The following NPHS1 variants were observed in gnomAD, a reference collection of about 807,000 sequenced individuals.
NPHS1 encodes NPHS1 adhesion molecule, nephrin, also known as nephrin.
Under a neutral mutation model 139.7 loss-of-function variants are expected in NPHS1, and 107 were observed. That is an observed-to-expected ratio of 0.77 (90% CI 0.66 to 0.90). NPHS1 has a LOEUF of 0.90. NPHS1 is among the 40% of genes least tolerant of loss of function. NPHS1 has a pLI of 0.00. For missense variants in NPHS1, 1,580 were observed against 1,654.2 expected, an observed-to-expected ratio of 0.96 and a Z score of 0.78; for synonymous variants, 707 against 706.6, an observed-to-expected ratio of 1.00 and a Z score of -0.01.
At chr19:35,843,930 T>A in intron 16 of NPHS1, 173 bp downstream of exon 16, 1 of 889,734 alleles carries the variant, frequency 1.1e-6, no homozygotes, top group Non-Finnish European at 1.7e-6. Context: ...TGGGTCTCTC[T>A]AGTGGGAGGG....
In NPHS1 at chr19:35,839,242, G is replaced by A; in HGVS notation, c.3104C>T (p.Thr1035Ile). The A allele has an allele frequency of 1.2e-6, 2 of 1,614,142 alleles. No individual in the cohort carries two copies. Among genetic ancestry groups the A allele is most frequent in the Non-Finnish European group, 1.7e-6 (2 of 1,179,984 alleles). Reference sequence around the variant, plus strand: ...GCCCAAGCCTCCCTTCCCACCTGGGGTAGTGATGGGAAGCTGGGTCCCTTT... The same window carrying A: ...GCCCAAGCCTCCCTTCCCACCTGGGATAGTGATGGGAAGCTGGGTCCCTTT... Reference protein sequence around the residue: ...ADKGTQLPITTPGLHQPSGEP... With the variant: ...ADKGTQLPITIPGLHQPSGEP... The change falls in exon 22 of 29, where the codon ACC (threonine) becomes ATC (isoleucine). Residue 1035 changes from threonine to isoleucine, a missense_variant. Physicochemically the swap from Thr to Ile is moderately conservative, Grantham distance 89 (BLOSUM62 -1). Transcript: ENST00000378910.
rs1255617994 is a variant in NPHS1 at position 35,839,286 on chromosome 19, C to T, written c.3060G>A (p.Gly1020=). The T allele has an allele frequency of 2.5e-6, 4 of 1,614,200 alleles. No homozygotes were observed. The highest frequency in any genetic ancestry group is 3.4e-6 in the Non-Finnish European group (4 of 1,180,034). ...RVWLLASNAL[G]DSGLADKGTQ... is the part of the protein sequence containing the mutation. Reference sequence around the variant, plus strand: ...TCCCTTTGTCAGCCAGTCCACTGTCCCCCAAGGCATTACTGGCCAGCAGCC... The same window carrying T: ...TCCCTTTGTCAGCCAGTCCACTGTCTCCCAAGGCATTACTGGCCAGCAGCC... Residue 1020 remains glycine, a synonymous_variant, in exon 22 of 29, where the codon GGG becomes GGA. Coordinates refer to ENST00000378910, the MANE Select transcript of NPHS1 (RefSeq NM_004646.4).
chr19:35,835,609 T>C, intron 23 of NPHS1, 96 bp downstream of exon 23: 2 of 1,140,226 alleles, frequency 1.8e-6, no homozygotes, highest in Non-Finnish European at 2.7e-6. Flanking sequence ...ACTAAGTCGT[T>C]AAGCAGCTGT....
In NPHS1 at chr19:35,830,886, G is replaced by T. The variant is rs929540764; in HGVS notation, c.3552C>A (p.Pro1184=). 12 of 1,613,928 alleles carry T rather than the reference G, an allele frequency of 7.4e-6. No homozygotes were observed. Among genetic ancestry groups the T allele is most frequent in the Non-Finnish European group, 1.0e-5 (12 of 1,179,796 alleles). Residue 1184 remains proline (P), a synonymous_variant, in exon 28 of 29, where the codon CCC becomes CCA. Transcript: ENST00000378910. The part of the protein sequence containing the change: ...HLYDEVERTY[P]PSGAWGPLYD... ...AGAGGGGTCCCCAGGCTCCAGACGGGGGGTACGTTCTTTCTACCTCATCAT... is the reference window on the plus strand; with the variant it reads ...AGAGGGGTCCCCAGGCTCCAGACGGTGGGTACGTTCTTTCTACCTCATCAT...
rs752085799 is a variant in NPHS1 at position 35,831,708 on chromosome 19, A to G, written c.3221T>C (p.Leu1074Pro). ...CCCGACACAGGAGGCATTGGAGAGGAGCAGAAGCCCCCCAAGAGCGAACAG... is the reference window on the plus strand; with the variant it reads ...CCCGACACAGGAGGCATTGGAGAGGGGCAGAAGCCCCCCAAGAGCGAACAG... ...PVLFALGGLL[L>P]LSNASCVGGV... Residue 1074 changes from leucine (L) to proline (P), a missense_variant, in exon 24 of 29, where the codon CTC becomes CCC. By Grantham distance (98) the Leu-to-Pro change is moderately conservative (BLOSUM62 -3). Coordinates refer to ENST00000378910, the MANE Select transcript of NPHS1 (RefSeq NM_004646.4). 1 of 1,599,164 alleles carries G rather than the reference A, an allele frequency of 6.3e-7. No homozygotes were observed. Among genetic ancestry groups the G allele is most frequent in the Non-Finnish European group, 8.5e-7 (1 of 1,173,348 alleles).
At position 35,839,682 on chromosome 19, in the gene NPHS1, G is replaced by T. The variant is rs373661965; in HGVS notation, c.2816-75C>A. 1.2e-4 allele frequency: 149 copies of T among 1,214,194 alleles called. 3 individuals are homozygous for T. Among genetic ancestry groups the T allele is most frequent in the East Asian group, 5.4e-4 (23 of 42,498 alleles). The allele number at this position is 1,214,194 out of a possible 1,614,324, so 75.2% of individuals were successfully genotyped here. ...GAAGATTCTGTCCAGGTTTTCCCTA[G>T]GAATGATTTTAAATATACAATCGCT... is the stretch of plus-strand genomic sequence containing the variant. On this transcript the variant is annotated intron_variant, in intron 20 of 28. Transcript: ENST00000378910.
intron 8 of NPHS1, 61 bp downstream of exon 8, chr19:35,848,915 C>T: frequency 6.2e-7 from 1 of 1,610,272 alleles, no homozygotes; most frequent in Admixed American, 1.7e-5. Context: ...AATTTGGGGG[C>T]ACACACAGAT....
Position 35,839,436 on chromosome 19 carries a change from A to G in NPHS1, c.2928-18T>C, listed in dbSNP as rs767334957. Reference sequence around the variant, plus strand: ...CCTCATACCTGCAGGACAGGGGGATAGTAAATTCAGGGAAGTGCCCTAGCC... The same window carrying G: ...CCTCATACCTGCAGGACAGGGGGATGGTAAATTCAGGGAAGTGCCCTAGCC... On this transcript the variant is annotated intron_variant, in intron 21 of 28. Transcript: ENST00000378910. The G allele has an allele frequency of 7.4e-6, 12 of 1,613,818 alleles. No homozygotes were observed. The Admixed American group carries it at 8.3e-5, about 11-fold the overall frequency.
intron 16 of NPHS1, 138 bp from the exon 17 acceptor site, chr19:35,843,731 G>T: frequency 2.7e-6 from 3 of 1,095,966 alleles, no homozygotes; most frequent in South Asian, 1.5e-5. Context: ...AATACCAAAG[G>T]GTTGGAGGAG....
chr19:35,851,481 G>T lies in NPHS1; in HGVS notation c.250C>A (p.Arg84Ser), dbSNP rs1168071834. The T allele has an allele frequency of 6.2e-7, 1 of 1,613,614 alleles. No individual in the cohort carries two copies. The highest frequency in any genetic ancestry group is 1.7e-5 in the Admixed American group (1 of 59,998). ...CCTCTAGCAGGGTCCCCTTCCAGGC[G>T]GTACCTCGGGAAGCCTGGGATCCTG... ...DPRIPGFPRY[R>S]LEGDPARGEF... Residue 84 changes from arginine to serine, a missense_variant, in exon 2 of 29, where the codon CGC becomes AGC. Arg to Ser is a moderately radical substitution (Grantham distance 110, BLOSUM62 -1). Transcript: ENST00000378910.
Position 35,848,292 on chromosome 19 carries a change from T to C in NPHS1, c.1276A>G (p.Lys426Glu). ...ATGAGCGACTTCTTGAAGGTCTCCTTGGTGAAGGCTTCACTGAAGGCCTCA... is the reference window on the plus strand; with the variant it reads ...ATGAGCGACTTCTTGAAGGTCTCCTCGGTGAAGGCTTCACTGAAGGCCTCA... ...TCEAFSEAFT[K>E]ETFKKSLILN... is the part of the protein sequence containing the mutation. The change falls in exon 10 of 29, where the codon AAG (lysine) becomes GAG (glutamate). Residue 426 changes from lysine (K) to glutamate (E), a missense_variant. By Grantham distance (56) the Lys-to-Glu change is moderately conservative. Transcript: ENST00000378910. The C allele has an allele frequency of 1.9e-6, 3 of 1,614,142 alleles. No homozygotes were observed. Among genetic ancestry groups the C allele is most frequent in the Non-Finnish European group, 2.5e-6 (3 of 1,180,028 alleles).
Position 35,845,098 on chromosome 19 carries a change from T to A in NPHS1, c.1930+270A>T, listed in dbSNP as rs1387645266. On this transcript the variant is annotated intron_variant, in intron 14 of 28. Coordinates refer to ENST00000378910, the MANE Select transcript of NPHS1 (RefSeq NM_004646.4). This position sits in a 1 kb window ranked among gnomAD's most constrained non-coding sequence, Gnocchi z 5.5. ...GCCTGGGCAACATAGTGAGACCCCG[T>A]TGCTACAAAAAGTAAAAATAAACTA... 6.6e-6 allele frequency among the ~76,000 whole-genome samples: 1 copy of A among 152,164 alleles called. No homozygotes were observed. The highest frequency in any genetic ancestry group is 6.5e-5 in the Admixed American group (1 of 15,280).
At chr19:35,842,100 C>T (rs1307246681) in intron 19 of NPHS1, 24 bp downstream of exon 19, 5 of 1,595,646 alleles carry the variant, frequency 3.1e-6, no homozygotes, top group Non-Finnish European at 4.3e-6. Context: ...GGCTGGAGTG[C>T]TGCCTGGCTG....
Position 35,842,320 on chromosome 19 carries a change from A to C in NPHS1, c.2507-40T>G, listed in dbSNP as rs200529850. 214 of 1,612,406 alleles carry C rather than the reference A, an allele frequency of 1.3e-4. No homozygotes were observed. The African/African-American group carries it at 2.6e-3, about 20-fold the overall frequency. ...GCAGTCAACATGAGCTATGTGGGAG[A>C]CATGAGGGCTGTGGGTTCAGTGGCA... On this transcript the variant is annotated intron_variant, in intron 18 of 28. Transcript: ENST00000378910.
intron 22 of NPHS1, among the ~76,000 whole-genome samples, chr19:35,836,689 G>A (rs1459072704): frequency 1.3e-5 from 2 of 151,904 alleles, no homozygotes; most frequent in African/African-American, 2.4e-5. Flanking sequence ...GTCAGGAAGA[G>A]GAAAACAGAA....
chr19:35,851,590 G>A lies in NPHS1; in HGVS notation c.141C>T (p.Ala47=), dbSNP rs763047405. 1 of 1,614,030 alleles carries A rather than the reference G, an allele frequency of 6.2e-7. No individual in the cohort carries two copies. Among genetic ancestry groups the A allele is most frequent in the South Asian group, 1.1e-5 (1 of 91,058 alleles). The part of the protein sequence containing the change: ...LPENLTVVEG[A]SVELRCGVST... Reference sequence around the variant, plus strand: ...TGACCCCACAACGCAGCTCCACTGAGGCCCCCTCCACCACCGTCAGGTTTT... The same window carrying A: ...TGACCCCACAACGCAGCTCCACTGAAGCCCCCTCCACCACCGTCAGGTTTT... Residue 47 remains alanine, a synonymous_variant, in exon 2 of 29, where the codon GCC becomes GCT. Transcript: ENST00000378910.
chr19:35,845,649 G>A lies in NPHS1; in HGVS notation c.1757+20C>T, dbSNP rs1266175936. ...GGGCGAGGCCAGACCAGAGAGGGGA[G>A]GGATCCCTCGCACTCCCACCTCTCC... On this transcript the variant is annotated intron_variant, in intron 13 of 28. Coordinates refer to ENST00000378910, the MANE Select transcript of NPHS1 (RefSeq NM_004646.4). This position sits in a 1 kb window ranked among gnomAD's most constrained non-coding sequence, Gnocchi z 5.5. The A allele has an allele frequency of 6.2e-7, 1 of 1,612,334 alleles. No individual in the cohort carries two copies. Among genetic ancestry groups the A allele is most frequent in the African/African-American group, 1.3e-5 (1 of 75,046 alleles).
intron 28 of NPHS1, among the ~76,000 whole-genome samples, chr19:35,828,676 C>T (rs1425054553): frequency 2.6e-5 from 4 of 152,326 alleles, no homozygotes; most frequent in African/African-American, 4.8e-5. Flanking sequence ...TTTGTAGGAA[C>T]ATAGCCACAC....
chr19:35,846,297 A>C, intron 11 of NPHS1, 103 bp from the exon 12 acceptor site: 1 of 1,256,996 alleles, frequency 8.0e-7, no homozygotes, highest in Non-Finnish European at 1.1e-6. Context: ...AGCCCAAACA[A>C]AGCCTTTTTC....
Sources: gnomAD v4.1 joint callset for allele counts (sites outside exome capture counted in the v4.1 genomes callset) on GRCh38, gnomAD v4.1.1 for gene constraint, Gnocchi (gnomAD v3.1) non-coding constraint, MANE v1.5 for transcripts, NCBI Gene and HGNC (gene_info 2026-07-23, HGNC 2026-07-21) for gene names.